The following WDFY3 variants were observed in gnomAD, a reference collection of about 807,000 sequenced individuals.
The protein encoded by WDFY3 is WD repeat and FYVE domain containing 3.
Under a neutral mutation model 409.6 loss-of-function variants are expected in WDFY3, and 66 were observed. That is an observed-to-expected ratio of 0.16 (90% CI 0.13 to 0.20). The LOEUF (loss-of-function observed/expected upper bound fraction) is 0.20. Ranked by LOEUF, WDFY3 falls within the 10% of genes least tolerant of loss-of-function variation. The pLI is 1.00. For missense variants in WDFY3, 3,031 were observed against 4,298.1 expected, an observed-to-expected ratio of 0.71 and a Z score of 8.24; for synonymous variants, 1,521 against 1,537.1, an observed-to-expected ratio of 0.99 and a Z score of 0.25.
intron 35 of WDFY3, 100 bp from the exon 36 acceptor site, chr4:84,751,816 C>T (rs189516909): frequency 7.3e-5 from 93 of 1,271,280 alleles, no homozygotes; most frequent in Admixed American, 2.7e-4. Context: ...GCATTTTCCA[C>T]CTATTAAGCT....
intron 64 of WDFY3, among the ~76,000 whole-genome samples, chr4:84,681,097 C>T (rs779347576): frequency 2.6e-5 from 4 of 152,170 alleles, no homozygotes; most frequent in African/African-American, 9.7e-5. Context: ...TTCCAGTGAA[C>T]CACTAGCTTG....
intron 36 of WDFY3, among the ~76,000 whole-genome samples, chr4:84,749,094 C>T (rs1740031503): frequency 6.6e-6 from 1 of 151,948 alleles, no homozygotes; most frequent in African/African-American, 2.4e-5. Context: ...ACCTGTTGCC[C>T]GGGTTGGTCT....
At chr4:84,900,294 T>C (rs998857001) in intron 2 of WDFY3, among the ~76,000 whole-genome samples, 5 of 152,116 alleles carry the variant, frequency 3.3e-5, no homozygotes, top group Admixed American at 2.0e-4. Context: ...GGTACAATCA[T>C]AGCTCACTGC....
intron 3 of WDFY3, among the ~76,000 whole-genome samples, chr4:84,892,318 T>C (rs1366966326): frequency 1.3e-5 from 2 of 151,722 alleles, no homozygotes. Flanking sequence ...TGTAATCTCT[T>C]ATAAAGTGTG....
At chr4:84,841,589 G>C (rs912505189) in intron 5 of WDFY3, among the ~76,000 whole-genome samples, 14 of 152,150 alleles carry the variant, frequency 9.2e-5, no homozygotes, top group African/African-American at 3.4e-4. Flanking sequence ...GTGATTAAGG[G>C]TGCAGAGAAA....
chr4:84,891,761 T>C (rs1296081310), intron 3 of WDFY3, among the ~76,000 whole-genome samples: 7 of 152,154 alleles, frequency 4.6e-5, no homozygotes, highest in Admixed American at 3.9e-4. Flanking sequence ...AAAGGACATT[T>C]TGCTTATGGA....
intron 51 of WDFY3, among the ~76,000 whole-genome samples, chr4:84,711,883 A>G (rs1732966639): frequency 1.3e-5 from 2 of 152,008 alleles, no homozygotes; most frequent in Admixed American, 6.6e-5. Flanking sequence ...ATACAAAGTT[A>G]GCAAGTATCT....
intron 1 of WDFY3, among the ~76,000 whole-genome samples, chr4:84,951,209 C>T (rs539053224): frequency 3.3e-5 from 5 of 152,270 alleles, no homozygotes; most frequent in South Asian, 4.1e-4. Flanking sequence ...CTCTGTATTT[C>T]GGGCATCCGG....
chr4:84,717,715 C>CT (rs1734168681), intron 48 of WDFY3, among the ~76,000 whole-genome samples: 1 of 152,106 alleles, frequency 6.6e-6, no homozygotes, highest in Non-Finnish European at 1.5e-5. Flanking sequence ...TCTGCTAATG[C>CT]TTTAGTCATG....
At chr4:84,724,323 T>A (rs1578257298) in intron 46 of WDFY3, 103 bp downstream of exon 46, 1 of 1,320,192 alleles carries the variant, frequency 7.6e-7, no homozygotes. Flanking sequence ...TGGATATTTT[T>A]AAAGTTGGCC....
At chr4:84,948,072 A>C (rs1008036376) in intron 1 of WDFY3, among the ~76,000 whole-genome samples, 1 of 152,172 alleles carries the variant, frequency 6.6e-6, no homozygotes, top group Non-Finnish European at 1.5e-5. Flanking sequence ...AAATGCTACT[A>C]TAACTTTTTA....
intron 14 of WDFY3, 123 bp from the exon 15 acceptor site, chr4:84,808,540 C>A: frequency 1.4e-6 from 1 of 719,112 alleles, no homozygotes; most frequent in South Asian, 1.7e-5. Context: ...CTTCCATATT[C>A]AGCAGGAACA....
At chr4:84,944,105 G>A (rs1358374131) in intron 1 of WDFY3, among the ~76,000 whole-genome samples, 1 of 152,200 alleles carries the variant, frequency 6.6e-6, no homozygotes, top group Non-Finnish European at 1.5e-5. Context: ...GCACCTGATT[G>A]TCAAATACAT....
At chr4:84,795,020 C>T in intron 19 of WDFY3, 41 bp from the exon 20 acceptor site, 1 of 1,414,608 alleles carries the variant, frequency 7.1e-7, no homozygotes. Context: ...AGATCAATGA[C>T]TCCTTCTCTT....
chr4:84,896,589 C>T (rs562343455), intron 3 of WDFY3, among the ~76,000 whole-genome samples: 1 of 152,278 alleles, frequency 6.6e-6, no homozygotes, highest in Non-Finnish European at 1.5e-5. Context: ...TATCCCACTA[C>T]AGGGCTCCAG....
intron 15 of WDFY3, among the ~76,000 whole-genome samples, chr4:84,807,772 G>T (rs1751757691): frequency 6.6e-6 from 1 of 152,064 alleles, no homozygotes; most frequent in African/African-American, 2.4e-5. Context: ...ACTGATCAAA[G>T]TAAGTATTGG....
intron 50 of WDFY3, among the ~76,000 whole-genome samples, chr4:84,714,530 A>G (rs1733511115): frequency 6.6e-6 from 1 of 152,230 alleles, no homozygotes; most frequent in African/African-American, 2.4e-5. Context: ...GGTATCCAAC[A>G]TCCCTTCCAT....
intron 2 of WDFY3, among the ~76,000 whole-genome samples, chr4:84,928,043 C>T (rs904182146): frequency 1.3e-5 from 2 of 152,204 alleles, no homozygotes; most frequent in Non-Finnish European, 2.9e-5. Flanking sequence ...ATTGACATTT[C>T]AGTCAGTGGA....
At chr4:84,812,560 C>T (rs1752677199) in intron 13 of WDFY3, among the ~76,000 whole-genome samples, 1 of 152,112 alleles carries the variant, frequency 6.6e-6, no homozygotes, top group South Asian at 2.1e-4. Flanking sequence ...TAGAGAAGTG[C>T]CCGGCATATA....
Sources: gnomAD v4.1 joint callset for allele counts (sites outside exome capture counted in the v4.1 genomes callset) on GRCh38, gnomAD v4.1.1 for gene constraint, MANE v1.5 for transcripts, NCBI Gene and HGNC (gene_info 2026-07-23, HGNC 2026-07-21) for gene names.